The following ANO1 variants were observed in gnomAD, a reference collection of about 807,000 sequenced individuals.
The protein encoded by ANO1 is anoctamin 1, also known as anoctamin-1.
Under a neutral mutation model 124.0 loss-of-function variants are expected in ANO1, and 59 were observed. The observed-to-expected ratio is 0.48, with a 90% CI of 0.39 to 0.59. ANO1 has a LOEUF of 0.59. ANO1 is among the 20% of genes least tolerant of loss of function. The pLI is 0.00. For missense variants in ANO1, 1,059 were observed against 1,328.0 expected (o/e 0.80, Z 3.15); for synonymous variants, 529 against 532.0 (o/e 0.99, Z 0.08).
intron 1 of ANO1, among the ~76,000 whole-genome samples, chr11:70,087,402 TC>T (rs2044426352): frequency 1.3e-5 from 2 of 152,158 alleles, no homozygotes; most frequent in African/African-American, 4.8e-5. Context: ...CCATTAACCA[TC>T]CCCTACCATA....
At chr11:70,120,906 C>T (rs889305304) in intron 8 of ANO1, among the ~76,000 whole-genome samples, 1 of 152,154 alleles carries the variant, frequency 6.6e-6, no homozygotes, top group Non-Finnish European at 1.5e-5. Flanking sequence ...CATGGCTGGA[C>T]GCCCCCCTGC....
intron 1 of ANO1, among the ~76,000 whole-genome samples, chr11:70,017,975 T>A (rs1437796918): frequency 3.3e-5 from 5 of 152,108 alleles, no homozygotes; most frequent in Non-Finnish European, 1.5e-5. Context: ...CCAAGAAAGA[T>A]CAGCTTCCCC....
intron 2 of ANO1, among the ~76,000 whole-genome samples, chr11:70,097,039 T>G (rs1405290234): frequency 6.6e-6 from 1 of 152,184 alleles, no homozygotes; most frequent in Non-Finnish European, 1.5e-5. Context: ...GGTGCATTCT[T>G]TACTATGTAT....
chr11:69,985,102 G>A (rs377463963), upstream of ANO1, among the ~76,000 whole-genome samples: 3 of 152,180 alleles, frequency 2.0e-5, no homozygotes, highest in East Asian at 5.8e-4. Flanking sequence ...CAGGGCTGGA[G>A]AGGGGCAATC....
upstream of ANO1, among the ~76,000 whole-genome samples, chr11:69,981,800 A>T (rs1546095): frequency 0.53 from 79,874 of 152,132 alleles, 21,913 homozygotes; most frequent in South Asian, 0.79. Flanking sequence ...TGGCTATCCA[A>T]GAAGAAATGG....
Position 70,112,998 on chromosome 11 carries a change from T to A in ANO1, c.855+1236T>A, listed in dbSNP as rs186439688. Among the ~76,000 whole-genome samples the A allele has an allele frequency of 6.1e-3, 933 of 152,254 alleles. 9 individuals are homozygous for A. The highest frequency in any genetic ancestry group is 0.021 in the African/African-American group (879 of 41,542). On this transcript the variant is annotated intron_variant, in intron 7 of 25. Transcript: ENST00000355303. ...CTAGGCAGATCTGCTGCCCGTCACC[T>A]CGTCGCCTCCCTGTCAGGGCCTCCT... is the stretch of plus-strand genomic sequence containing the variant.
chr11:70,121,167 G>T (rs1424355924), intron 8 of ANO1, among the ~76,000 whole-genome samples: 1 of 144,350 alleles, frequency 6.9e-6, no homozygotes, highest in Non-Finnish European at 1.6e-5. Flanking sequence ...TCCCTGTCTC[G>T]CTCCCTCCCT....
intron 1 of ANO1, among the ~76,000 whole-genome samples, chr11:70,028,962 A>G (rs781861636): frequency 6.6e-6 from 1 of 152,106 alleles, no homozygotes; most frequent in Non-Finnish European, 1.5e-5. Context: ...TTGTATTTTT[A>G]GTAGAGATGG....
At chr11:70,168,988 A>G (rs1398013146) in intron 21 of ANO1, among the ~76,000 whole-genome samples, 1 of 152,204 alleles carries the variant, frequency 6.6e-6, no homozygotes, top group Non-Finnish European at 1.5e-5. Context: ...AACCAGGGTC[A>G]GGCCGGTAGG....
intron 16 of ANO1, among the ~76,000 whole-genome samples, chr11:70,157,994 A>C (rs1042620698): frequency 6.6e-6 from 1 of 151,998 alleles, no homozygotes; most frequent in Non-Finnish European, 1.5e-5. Context: ...AAAAAAAAAA[A>C]AAAAAAAACC....
In ANO1 at chr11:70,108,077, G is replaced by A. The variant is rs928489363; in HGVS notation, c.748-276G>A. The A allele has an allele frequency of 1.4e-5, 6 of 439,896 alleles. No homozygotes were observed. In the Admixed American group the frequency reaches 2.0e-4, roughly 15 times the overall value. 27.2% of individuals were successfully genotyped at this position (439,896 alleles called of 1,614,324 possible). ...AGGAGGGCACGGCAGTGCTTTGCTG[G>A]GGCCAACTGCCATGACTCCCACGTT... is the stretch of plus-strand genomic sequence containing the variant. On this transcript the variant is annotated intron_variant, in intron 5 of 25. Coordinates refer to ENST00000355303, the MANE Select transcript of ANO1 (RefSeq NM_018043.7).
rs557758653 is a variant in ANO1 at position 70,090,298 on chromosome 11, C to T, written c.441+2214C>T. On this transcript the variant is annotated intron_variant, in intron 2 of 25. Coordinates refer to ENST00000355303, the MANE Select transcript of ANO1 (RefSeq NM_018043.7). ...CTGGGATTACAGGCGTGAGCCACCG[C>T]GCCTGGCCCCTCCCCAGGGGATTTT... Among the ~76,000 whole-genome samples the T allele has an allele frequency of 1.1e-3, 168 of 152,200 alleles. 1 individual carries two copies. The highest frequency in any genetic ancestry group is 7.6e-4 in the Non-Finnish European group (52 of 68,040).
At chr11:70,178,922 C>G (rs1312802265) in intron 22 of ANO1, among the ~76,000 whole-genome samples, 1 of 152,266 alleles carries the variant, frequency 6.6e-6, no homozygotes. Context: ...TGAATTGACA[C>G]TGGCTGGGGC....
chr11:70,094,309 A>G (rs2044755103), intron 2 of ANO1, among the ~76,000 whole-genome samples: 1 of 152,150 alleles, frequency 6.6e-6, no homozygotes, highest in African/African-American at 2.4e-5. Context: ...AAGGGCAGCC[A>G]TTTCTTGCCA....
chr11:70,025,956 GTGA>G (rs563300818), intron 1 of ANO1, among the ~76,000 whole-genome samples: 9 of 141,768 alleles, frequency 6.3e-5, no homozygotes, highest in Admixed American at 1.4e-4. Flanking sequence ...GGTGATGACA[GTGA>G]TGATGATGAT....
rs113194353 is a variant in ANO1, at chr11:70,165,174, T to C, written c.1951-296T>C. ...CTTGCCTCTCCACCCTCTGCCGCCA[T>C]GTTCACGCTGCCTCTTCCCTCTGTG... On this transcript the variant is annotated intron_variant, in intron 19 of 25. Transcript: ENST00000355303. Among the ~76,000 whole-genome samples the C allele has an allele frequency of 6.3e-3, 962 of 152,296 alleles. 8 individuals are homozygous for C. Among genetic ancestry groups the C allele is most frequent in the Middle Eastern group, 0.048 (14 of 294 alleles).
chr11:70,165,645 G>T lies in ANO1; in HGVS notation c.2051+75G>T. Reference sequence around the variant, plus strand: ...GGGTGTGTGGGTGGCTCCTGCGGGGGTCTGGGTGGACGCGGGGCCTCAACC... The same window carrying T: ...GGGTGTGTGGGTGGCTCCTGCGGGGTTCTGGGTGGACGCGGGGCCTCAACC... On this transcript the variant is annotated intron_variant, in intron 20 of 25. Transcript: ENST00000355303. The T allele has an allele frequency of 4.8e-6, 6 of 1,261,270 alleles. No homozygotes were observed. In the South Asian group the frequency reaches 5.5e-5, roughly 12 times the overall value. The allele number at this position is 1,261,270 out of a possible 1,614,324, so 78.1% of individuals were successfully genotyped here. A position where few individuals can be genotyped will look rare whatever the true frequency, so the allele number is the denominator to read the frequency against.
At chr11:70,033,578 G>A (rs1315119012) in intron 1 of ANO1, among the ~76,000 whole-genome samples, 1 of 152,084 alleles carries the variant, frequency 6.6e-6, no homozygotes, top group Non-Finnish European at 1.5e-5. Flanking sequence ...GTGGCCTTAT[G>A]GTTAGCACAT....
chr11:69,980,336 T>C, the ANO1 span, among the ~76,000 whole-genome samples: 1 of 152,058 alleles, frequency 6.6e-6, no homozygotes, highest in South Asian at 2.1e-4. Flanking sequence ...ATAAAAAAGT[T>C]GTAGGGGCCA....
Sources: allele counts gnomAD v4.1 joint callset (sites outside exome capture counted in the v4.1 genomes callset), GRCh38; gene constraint gnomAD v4.1.1; transcripts MANE v1.5; gene names NCBI Gene and HGNC (gene_info 2026-07-23, HGNC 2026-07-21).